The following NRG3 variants were observed in gnomAD, a reference collection of about 807,000 sequenced individuals.
The protein encoded by NRG3 is pro-neuregulin-3, membrane-bound isoform.
In NRG3, 31 loss-of-function variants were observed where a neutral mutation model predicts 66.9. The ratio of observed to expected loss-of-function variants is 0.46; its 90% CI spans 0.35 to 0.63. The LOEUF is 0.63. NRG3 is among the 20% of genes least tolerant of loss of function. The pLI, the probability that NRG3 is intolerant of heterozygous loss-of-function variation, is 0.00. For synonymous variants in NRG3, 393 were observed against 359.4 expected, an observed-to-expected ratio of 1.09 and a Z score of -1.06; for missense variants, 910 against 878.9, an observed-to-expected ratio of 1.04 and a Z score of -0.45.
At chr10:82,565,794 C>G (rs549494970) in intron 2 of NRG3, among the ~76,000 whole-genome samples, 1 of 151,906 alleles carries the variant, frequency 6.6e-6, no homozygotes, top group African/African-American at 2.4e-5. Context: ...TTCATTCCAG[C>G]GTTGGAAGGT....
intron 1 of NRG3, among the ~76,000 whole-genome samples, chr10:82,250,034 G>T (rs2077412590): frequency 6.6e-6 from 1 of 152,098 alleles, no homozygotes; most frequent in African/African-American, 2.4e-5. Context: ...CTCTCCAGAG[G>T]TCCTGGCTTG....
At chr10:82,672,539 A>T (rs984190068) in intron 2 of NRG3, among the ~76,000 whole-genome samples, 7 of 152,174 alleles carry the variant, frequency 4.6e-5, no homozygotes, top group African/African-American at 1.7e-4. Context: ...ACGACTAATT[A>T]CAGCAGCTTG....
At chr10:82,174,300 A>T (rs1277145705) in intron 1 of NRG3, among the ~76,000 whole-genome samples, 5 of 151,816 alleles carry the variant, frequency 3.3e-5, no homozygotes, top group Non-Finnish European at 7.4e-5. Context: ...TTTATCCTCT[A>T]TCCCTTTACC....
intron 1 of NRG3, among the ~76,000 whole-genome samples, chr10:82,182,652 T>C (rs1171946592): frequency 6.6e-6 from 1 of 151,972 alleles, no homozygotes; most frequent in Non-Finnish European, 1.5e-5. Context: ...AAACCAGAAT[T>C]AAAATTGATT....
chr10:82,173,388 G>A lies in NRG3; in HGVS notation c.824-185351G>A, dbSNP rs55912867. On this transcript the variant is annotated intron_variant, in intron 1 of 8. Coordinates refer to ENST00000372141, the MANE Select transcript of NRG3 (RefSeq NM_001010848.4). ...AAAGTAGGCACACGTACACAAACAC[G>A]CACACATGCTGATGTAAAATATAAA... Among the ~76,000 whole-genome samples, 1,377 of 151,920 alleles carry A rather than the reference G, an allele frequency of 9.1e-3. 18 individuals are homozygous for A. Among genetic ancestry groups the A allele is most frequent in the African/African-American group, 0.031 (1,303 of 41,416 alleles).
intron 1 of NRG3, among the ~76,000 whole-genome samples, chr10:82,246,053 G>A (rs2077230715): frequency 7.2e-6 from 1 of 138,966 alleles, no homozygotes; most frequent in South Asian, 2.4e-4. Flanking sequence ...AGGAAAGTAT[G>A]ACATATGAAT....
chr10:81,899,151 T>A (rs1028631649), intron 1 of NRG3, among the ~76,000 whole-genome samples: 4 of 152,234 alleles, frequency 2.6e-5, no homozygotes, highest in Non-Finnish European at 5.9e-5. Flanking sequence ...AAAACTCCGA[T>A]TCTCCAAATT....
At chr10:81,962,105 C>A (rs1221563014) in intron 1 of NRG3, among the ~76,000 whole-genome samples, 1 of 152,130 alleles carries the variant, frequency 6.6e-6, no homozygotes, top group Non-Finnish European at 1.5e-5. Context: ...GGTTGAGAAC[C>A]TTGACTCTGT....
intron 2 of NRG3, among the ~76,000 whole-genome samples, chr10:82,595,737 A>G (rs749986718): frequency 1.3e-5 from 2 of 152,034 alleles, no homozygotes; most frequent in African/African-American, 2.4e-5. Context: ...GTGAGCCGAG[A>G]TCATGCCATT....
intron 1 of NRG3, among the ~76,000 whole-genome samples, chr10:82,223,245 G>A (rs140183713): frequency 9.2e-5 from 14 of 152,260 alleles, no homozygotes; most frequent in Non-Finnish European, 1.9e-4. Context: ...CTGGAATGCC[G>A]GAGAGCCAAC....
intron 3 of NRG3, among the ~76,000 whole-genome samples, chr10:82,852,819 C>T (rs556084474): frequency 6.6e-6 from 1 of 152,236 alleles, no homozygotes; most frequent in South Asian, 2.1e-4. Flanking sequence ...CTTGAAAATA[C>T]ATATAGAAAG....
intron 3 of NRG3, among the ~76,000 whole-genome samples, chr10:82,813,973 T>C (rs2061602356): frequency 6.6e-6 from 1 of 152,196 alleles, no homozygotes; most frequent in Admixed American, 6.5e-5. Flanking sequence ...TCATAGAGCA[T>C]CAGGGCTGCT....
intron 1 of NRG3, among the ~76,000 whole-genome samples, chr10:82,119,347 A>G (rs995655933): frequency 7.9e-5 from 12 of 152,114 alleles, no homozygotes; most frequent in African/African-American, 2.7e-4. Context: ...CTATTGACTT[A>G]TCTAGCTCCC....
Position 82,885,121 on chromosome 10 carries a change from A to G in NRG3, c.1054+19684A>G, listed in dbSNP as rs144959689. ...AAATATCTTCAATTTGGTAAAGTCA[A>G]TCTTCTATCCAAGAAGAATAATCTT... On this transcript the variant is annotated intron_variant, in intron 4 of 8. Coordinates refer to ENST00000372141, the MANE Select transcript of NRG3 (RefSeq NM_001010848.4). Among the ~76,000 whole-genome samples the G allele has an allele frequency of 1.3e-3, 203 of 152,326 alleles. 2 individuals are homozygous for G. Among genetic ancestry groups the G allele is most frequent in the African/African-American group, 4.6e-3 (193 of 41,566 alleles).
intron 3 of NRG3, among the ~76,000 whole-genome samples, chr10:82,802,345 A>C (rs566931538): frequency 6.6e-6 from 1 of 152,276 alleles, no homozygotes; most frequent in South Asian, 2.1e-4. Flanking sequence ...AAAGGGTTTG[A>C]AATATTTCAA....
rs895349160 is a variant in NRG3 at position 82,337,787 on chromosome 10, TAGAA to T, written c.824-20949_824-20946del. ...TTCTTTGGAAAAATATCTATTCAAATAGAAAGGAAAATTTTAAAGAAGAGAAGAT... is the reference window on the plus strand; with the variant it reads ...TTCTTTGGAAAAATATCTATTCAAATAGGAAAATTTTAAAGAAGAGAAGAT... On this transcript the variant is annotated intron_variant, in intron 1 of 8. Coordinates refer to ENST00000372141, the MANE Select transcript of NRG3 (RefSeq NM_001010848.4). Among the ~76,000 whole-genome samples, 10 of 152,294 alleles carry T rather than the reference TAGAA, an allele frequency of 6.6e-5. No individual in the cohort carries two copies. The South Asian group carries it at 1.2e-3, about 19-fold the overall frequency.
intron 1 of NRG3, among the ~76,000 whole-genome samples, chr10:82,151,889 A>G (rs1003762083): frequency 3.3e-5 from 5 of 152,192 alleles, no homozygotes; most frequent in Admixed American, 1.3e-4. Flanking sequence ...GTGAATTTCT[A>G]TTGACCTCAC....
At chr10:82,951,405 G>A (rs1029754250) in intron 4 of NRG3, 64 bp from the exon 5 acceptor site, 6 of 1,297,994 alleles carry the variant, frequency 4.6e-6, no homozygotes, top group Admixed American at 3.4e-5. Flanking sequence ...GAAGTACATG[G>A]ATGAAGATAG....
intron 2 of NRG3, among the ~76,000 whole-genome samples, chr10:82,717,863 T>G (rs2057069482): frequency 6.6e-6 from 1 of 151,950 alleles, no homozygotes; most frequent in African/African-American, 2.4e-5. Flanking sequence ...TTTTTTTTTT[T>G]TAATAGTGAG....
Sources: gnomAD v4.1 joint callset for allele counts (sites outside exome capture counted in the v4.1 genomes callset) on GRCh38, gnomAD v4.1.1 for gene constraint, MANE v1.5 for transcripts, NCBI Gene and HGNC (gene_info 2026-07-23, HGNC 2026-07-21) for gene names.